The following DET1 variants were observed in gnomAD, a reference collection of about 807,000 sequenced individuals.
DET1 encodes DET1 homolog.
In DET1, 22 loss-of-function variants were observed where a neutral mutation model predicts 43.7. The ratio of observed to expected loss-of-function variants is 0.50; its 90% CI spans 0.36 to 0.72. The LOEUF (loss-of-function observed/expected upper bound fraction) is 0.72, where lower values mean the gene tolerates loss of function less well. Ranked by LOEUF, DET1 falls within the 30% of genes least tolerant of loss-of-function variation. The probability of loss-of-function intolerance (pLI) is 0.00; values close to 1 mark genes in which losing one functional copy is unlikely to be tolerated. For synonymous variants in DET1, 315 were observed against 266.2 expected, an observed-to-expected ratio of 1.18 and a Z score of -1.79; for missense variants, 713 against 713.3, an observed-to-expected ratio of 1.00 and a Z score of 0.00.
chr15:88,510,919 G>A (rs1471426429), downstream of DET1, among the ~76,000 whole-genome samples: 24 of 151,646 alleles, frequency 1.6e-4, no homozygotes, highest in African/African-American at 2.2e-4. Flanking sequence ...GACTACTGGC[G>A]CCCGCCACCA....
At chr15:88,524,826 T>C (rs1310680087) in intron 3 of DET1, among the ~76,000 whole-genome samples, 1 of 152,014 alleles carries the variant, frequency 6.6e-6, no homozygotes, top group Non-Finnish European at 1.5e-5. Flanking sequence ...GGCCACAGGG[T>C]CCTCTGCCTA....
At chr15:88,507,013 T>C (rs915033308) in intron 7 of DET1, among the ~76,000 whole-genome samples, 2 of 152,348 alleles carry the variant, frequency 1.3e-5, no homozygotes, top group African/African-American at 4.8e-5. Context: ...AAGAACTGCC[T>C]TAAATCCTTT....
At chr15:88,537,426 C>T (rs1391701395) in intron 1 of DET1, among the ~76,000 whole-genome samples, 2 of 152,152 alleles carry the variant, frequency 1.3e-5, no homozygotes, top group Admixed American at 1.3e-4. Flanking sequence ...CCATGGACCT[C>T]CCTGGCTCAA....
At chr15:88,534,443 G>T (rs1426988969) in intron 1 of DET1, among the ~76,000 whole-genome samples, 2 of 152,194 alleles carry the variant, frequency 1.3e-5, no homozygotes, top group South Asian at 2.1e-4. Flanking sequence ...TTCTCCTGCT[G>T]CTTGAAGAGC....
intron 7 of DET1, among the ~76,000 whole-genome samples, chr15:88,506,237 C>T (rs982160793): frequency 3.3e-5 from 5 of 152,186 alleles, no homozygotes; most frequent in African/African-American, 7.2e-5. Context: ...GAGAAACAGA[C>T]GTGCTAAAAT....
rs2056793241 is a variant in DET1, at chr15:88,530,903, A to G, written c.803T>C (p.Val268Ala). ...CTGTACCTCAGGGAAAACAGCTGAC[A>G]CAGTGAGCAGGTCATCCTCATAGCA... The part of the protein sequence containing the change: ...RFCYEDDLLT[V>A]SAVFPEVQRD... Residue 268 changes from valine (V) to alanine (A), a missense_variant, in exon 2 of 5, where the codon GTG becomes GCG. Coordinates refer to ENST00000268148, the MANE Select transcript of DET1 (RefSeq NM_001144074.3). The G allele has an allele frequency of 1.2e-6, 2 of 1,613,932 alleles. No individual in the cohort carries two copies. Among genetic ancestry groups the G allele is most frequent in the Admixed American group, 1.7e-5 (1 of 60,014 alleles).
intron 1 of DET1, among the ~76,000 whole-genome samples, chr15:88,541,039 G>A (rs1392444734): frequency 1.5e-5 from 1 of 67,620 alleles, no homozygotes; most frequent in Non-Finnish European, 2.6e-5. Context: ...ACAAGAGGAA[G>A]GCATCTGTCT....
At chr15:88,529,152 C>G (rs147881223) in intron 2 of DET1, among the ~76,000 whole-genome samples, 22 of 152,284 alleles carry the variant, frequency 1.4e-4, no homozygotes, top group African/African-American at 4.8e-4. Flanking sequence ...AGGATAATCT[C>G]AAAGGCAGCA....
At chr15:88,521,965 G>A (rs532256314) in intron 3 of DET1, among the ~76,000 whole-genome samples, 10 of 151,558 alleles carry the variant, frequency 6.6e-5, no homozygotes, top group Non-Finnish European at 1.5e-4. Flanking sequence ...GCCATGATTT[G>A]TAGTGCTTCC....
chr15:88,527,738 C>T lies in DET1; in HGVS notation c.1132G>A (p.Val378Met). The part of the protein sequence containing the change: ...YNMVTTEVIA[V>M]FENTSDELLE... ...AGCTCATCTGATGTATTCTCAAACA[C>T]AGCAATCACCTCTGTCGTCACCATA... Residue 378 changes from valine (V) to methionine (M), a missense_variant, in exon 3 of 5, where the codon GTG (valine) becomes ATG (methionine). By Grantham distance (21) the Val-to-Met change is conservative. Transcript: ENST00000268148. The T allele has an allele frequency of 1.2e-6, 2 of 1,613,266 alleles. No homozygotes were observed. The highest frequency in any genetic ancestry group is 1.7e-6 in the Non-Finnish European group (2 of 1,179,600).
intron 1 of DET1, among the ~76,000 whole-genome samples, chr15:88,538,848 C>G (rs1341114758): frequency 6.6e-6 from 1 of 152,156 alleles, no homozygotes; most frequent in Non-Finnish European, 1.5e-5. Context: ...CAGCTTCTCA[C>G]CCCGGGGTCA....
chr15:88,525,827 A>ATTT (rs10658727), intron 3 of DET1, among the ~76,000 whole-genome samples: 31 of 90,646 alleles, frequency 3.4e-4, no homozygotes, highest in Non-Finnish European at 4.0e-4. Flanking sequence ...ACACTCGGCT[A>ATTT]TTTTTTTTTT....
At chr15:88,529,124 C>A (rs1406810061) in intron 2 of DET1, among the ~76,000 whole-genome samples, 2 of 152,130 alleles carry the variant, frequency 1.3e-5, no homozygotes, top group Non-Finnish European at 2.9e-5. Flanking sequence ...ACTAGGCCAC[C>A]TTTTAGCAAA....
intron 1 of DET1, among the ~76,000 whole-genome samples, chr15:88,541,903 C>T (rs1423549572): frequency 1.3e-5 from 2 of 152,158 alleles, no homozygotes; most frequent in South Asian, 2.1e-4. Context: ...GTGGGCTCAC[C>T]GCCCAATTGC....
intron 2 of DET1, 63 bp downstream of exon 2, chr15:88,530,560 A>G: frequency 2.0e-6 from 3 of 1,525,900 alleles, no homozygotes; most frequent in Middle Eastern, 1.8e-4. Flanking sequence ...ATAAACAAAC[A>G]GAGAAACCTT....
chr15:88,512,512 C>G lies in DET1; in HGVS notation c.*439G>C. 1.0e-6 allele frequency: 1 copy of G among 987,692 alleles called. No homozygotes were observed. Among genetic ancestry groups the G allele is most frequent in the African/African-American group, 1.7e-5 (1 of 57,418 alleles). The allele number at this position is 987,692 out of a possible 1,614,324, so 61.2% of individuals were successfully genotyped here. On this transcript the variant is annotated 3_prime_UTR_variant, in exon 5 of 5. Coordinates refer to ENST00000268148, the MANE Select transcript of DET1 (RefSeq NM_001144074.3). ...ATGAAAATACCATGGCTTTATTTTTCTCTTAAAAAGATAGCCGTGCTTATG... is the reference window on the plus strand; with the variant it reads ...ATGAAAATACCATGGCTTTATTTTTGTCTTAAAAAGATAGCCGTGCTTATG...
intron 3 of DET1, among the ~76,000 whole-genome samples, chr15:88,517,772 A>C (rs2056385227): frequency 2.0e-5 from 3 of 152,158 alleles, no homozygotes. Flanking sequence ...TAAATTACGC[A>C]TTCTTTGTTT....
downstream of DET1, among the ~76,000 whole-genome samples, chr15:88,508,012 G>A (rs909401131): frequency 4.6e-5 from 7 of 152,072 alleles, no homozygotes; most frequent in Admixed American, 6.5e-5. Context: ...TCATAAGAGC[G>A]CAAACCGTAT....
At chr15:88,546,390 G>A (rs1274486395) in intron 1 of DET1, 150 bp downstream of exon 1, 13 of 152,450 alleles carry the variant, frequency 8.5e-5, no homozygotes. Context: ...CCCCCGGAAA[G>A]AAAAGCCTGG....
Sources: gnomAD v4.1 joint callset for allele counts (sites outside exome capture counted in the v4.1 genomes callset) on GRCh38, gnomAD v4.1.1 for gene constraint, MANE v1.5 for transcripts, NCBI Gene and HGNC (gene_info 2026-07-23, HGNC 2026-07-21) for gene names.